SORCS3: variants seen among roughly 807,000 people sequenced by gnomAD.
SORCS3 encodes the protein VPS10 domain-containing receptor SorCS3.
A neutral mutation model predicts 146.3 loss-of-function variants in SORCS3; 57 were observed. The ratio of observed to expected loss-of-function variants is 0.39; its 90% CI spans 0.31 to 0.49. The LOEUF (loss-of-function observed/expected upper bound fraction) is 0.49, where lower values mean the gene tolerates loss of function less well. Ranked by LOEUF, SORCS3 falls within the 20% of genes least tolerant of loss-of-function variation. The pLI is 0.92. For synonymous variants in SORCS3, 653 were observed against 618.5 expected, an observed-to-expected ratio of 1.06 and a Z score of -0.83; for missense variants, 1,341 against 1,575.5, an observed-to-expected ratio of 0.85 and a Z score of 2.52.
intron 4 of SORCS3, among the ~76,000 whole-genome samples, chr10:105,008,609 A>G (rs2055112202): frequency 6.6e-6 from 1 of 152,182 alleles, no homozygotes. Flanking sequence ...AATGAAAGGT[A>G]GTTTTGAGAA....
In SORCS3 at chr10:104,775,391, T is replaced by A. The variant is rs528842187; in HGVS notation, c.628-67401T>A. Among the ~76,000 whole-genome samples the A allele has an allele frequency of 7.2e-4, 110 of 152,264 alleles. 2 individuals are homozygous for A. The South Asian group carries it at 0.023, about 31-fold the overall frequency. On this transcript the variant is annotated intron_variant, in intron 1 of 26. Coordinates refer to ENST00000369701, the MANE Select transcript of SORCS3 (RefSeq NM_014978.3). ...CACTCCATGCCAAGTCTTTGTTAGG[T>A]GTTAGGAATGCAAAGATGTATATAA...
chr10:104,669,155 T>C (rs961621318), intron 1 of SORCS3, among the ~76,000 whole-genome samples: 13 of 152,220 alleles, frequency 8.5e-5, no homozygotes, highest in Non-Finnish European at 1.3e-4. Flanking sequence ...ATATGCTTTT[T>C]CCCTTCAGCA....
intron 22 of SORCS3, among the ~76,000 whole-genome samples, chr10:105,250,778 A>T (rs75972773): frequency 6.6e-6 from 1 of 152,256 alleles, no homozygotes; most frequent in East Asian, 1.9e-4. Context: ...CATCTAGCTA[A>T]CCATCTCAGG....
At position 105,223,220 on chromosome 10, in the gene SORCS3, T is replaced by G. The variant is rs886917634; in HGVS notation, c.2839T>G (p.Tyr947Asp). The change falls in exon 20 of 27, where the codon TAT becomes GAT. Residue 947 changes from tyrosine (Y) to aspartate (D), a missense_variant. Transcript: ENST00000369701. ...GCCCAGTCAACTGGGGACCCTTACC[T>G]ATTTCTGGTGGTTCGGCAATAGCAC... is the stretch of plus-strand genomic sequence containing the variant. The part of the protein sequence containing the change: ...VWPSQLGTLT[Y>D]FWWFGNSTKP... 1 of 1,612,376 alleles carries G rather than the reference T, an allele frequency of 6.2e-7. No individual in the cohort carries two copies. The highest frequency in any genetic ancestry group is 8.5e-7 in the Non-Finnish European group (1 of 1,178,742).
intron 1 of SORCS3, among the ~76,000 whole-genome samples, chr10:104,667,010 A>T (rs950053416): frequency 6.6e-6 from 1 of 151,972 alleles, no homozygotes; most frequent in South Asian, 2.1e-4. Context: ...AGAGAGAGAG[A>T]GGAGAGAGAA....
intron 6 of SORCS3, among the ~76,000 whole-genome samples, chr10:105,094,581 C>A (rs2055732800): frequency 6.6e-6 from 1 of 152,164 alleles, no homozygotes; most frequent in Non-Finnish European, 1.5e-5. Flanking sequence ...CATCAAGGAG[C>A]TTCTAGACTT....
chr10:105,206,888 T>TGTAGTACAGGGTGCTA lies in SORCS3; in HGVS notation c.2262-4245_2262-4244insTACAGGGTGCTAGTAG, dbSNP rs1274026089. On this transcript the variant is annotated intron_variant, in intron 16 of 26. Coordinates refer to ENST00000369701, the MANE Select transcript of SORCS3 (RefSeq NM_014978.3). ...GCCTGCTGAAGTGGAACAGGGTGCCTGTAGATCACTAGTACTGGAATCTCA... is the reference window on the plus strand; with the variant it reads ...GCCTGCTGAAGTGGAACAGGGTGCCTGTAGTACAGGGTGCTAGTAGATCACTAGTACTGGAATCTCA... 3.9e-5 allele frequency among the ~76,000 whole-genome samples: 6 copies of TGTAGTACAGGGTGCTA among 152,098 alleles called. No homozygotes were observed. In the East Asian group the frequency reaches 1.2e-3, roughly 29 times the overall value.
At chr10:105,080,025 C>T (rs192754027) in intron 5 of SORCS3, among the ~76,000 whole-genome samples, 45 of 152,090 alleles carry the variant, frequency 3.0e-4, no homozygotes, top group South Asian at 6.2e-4. Context: ...AACATTCACG[C>T]GCATGTGTCT....
intron 5 of SORCS3, 105 bp from the exon 6 acceptor site, chr10:105,089,670 T>C (rs1589627016): frequency 2.3e-6 from 2 of 865,192 alleles, no homozygotes; most frequent in East Asian, 5.2e-5. Context: ...ATGGTCCTCT[T>C]TGAGAAAATG....
At chr10:105,200,992 C>A in intron 15 of SORCS3, 128 bp from the exon 16 acceptor site, 1 of 974,452 alleles carries the variant, frequency 1.0e-6, no homozygotes, top group Non-Finnish European at 1.5e-6. Flanking sequence ...TGGATCATTA[C>A]TGAGAATGAG....
At chr10:105,179,882 C>T (rs2056432360) in intron 14 of SORCS3, among the ~76,000 whole-genome samples, 1 of 152,134 alleles carries the variant, frequency 6.6e-6, no homozygotes, top group Non-Finnish European at 1.5e-5. Flanking sequence ...CTTAGCTTTG[C>T]CGTTGAATTG....
At chr10:105,134,018 A>G (rs2056040753) in intron 7 of SORCS3, among the ~76,000 whole-genome samples, 1 of 152,196 alleles carries the variant, frequency 6.6e-6, no homozygotes, top group African/African-American at 2.4e-5. Flanking sequence ...GAATGCAAGG[A>G]AACAAAACCA....
intron 16 of SORCS3, among the ~76,000 whole-genome samples, chr10:105,204,121 C>A (rs2056588815): frequency 6.6e-6 from 1 of 152,092 alleles, no homozygotes; most frequent in Admixed American, 6.6e-5. Context: ...GGTTCTCATA[C>A]TTGCACTGGT....
At chr10:105,147,202 A>G (rs541163285) in intron 8 of SORCS3, among the ~76,000 whole-genome samples, 19 of 152,248 alleles carry the variant, frequency 1.2e-4, no homozygotes, top group Non-Finnish European at 2.8e-4. Context: ...TTTTAAAGAA[A>G]ACTGTGTAAA....
intron 1 of SORCS3, among the ~76,000 whole-genome samples, chr10:104,769,939 A>C (rs1441476280): frequency 6.6e-6 from 1 of 152,150 alleles, no homozygotes; most frequent in Non-Finnish European, 1.5e-5. Context: ...GATGACTGTT[A>C]TGGCAGTGTT....
At chr10:104,875,882 A>C (rs1027243709) in intron 2 of SORCS3, among the ~76,000 whole-genome samples, 1 of 152,194 alleles carries the variant, frequency 6.6e-6, no homozygotes. Flanking sequence ...ACCCTATAAC[A>C]TGAAGGTGAA....
intron 1 of SORCS3, among the ~76,000 whole-genome samples, chr10:104,822,545 G>C (rs1264292477): frequency 6.6e-6 from 1 of 152,134 alleles, no homozygotes; most frequent in Non-Finnish European, 1.5e-5. Context: ...TGGAGGTTCT[G>C]CTCCTTTCTC....
intron 5 of SORCS3, among the ~76,000 whole-genome samples, chr10:105,087,738 T>C (rs187757306): frequency 2.6e-5 from 4 of 152,324 alleles, no homozygotes; most frequent in Admixed American, 2.6e-4. Context: ...TTAAAGTTTA[T>C]ATCCAAATAG....
chr10:104,940,238 ATTTTTT>A (rs1186082602), intron 3 of SORCS3, among the ~76,000 whole-genome samples: 425 of 31,418 alleles, frequency 0.014, 7 homozygotes, highest in Middle Eastern at 0.045. Flanking sequence ...ATATATATAT[ATTTTTT>A]TTTTTTTTTT....
Sources: gnomAD v4.1 joint callset for allele counts (sites outside exome capture counted in the v4.1 genomes callset) on GRCh38, gnomAD v4.1.1 for gene constraint, MANE v1.5 for transcripts, NCBI Gene and HGNC (gene_info 2026-07-23, HGNC 2026-07-21) for gene names.